The following RRP15 variants were observed in gnomAD, a reference collection of about 807,000 sequenced individuals.
RRP15 encodes the protein ribosomal RNA processing 15 homolog, also known as RRP15-like protein.
A neutral mutation model predicts 27.1 loss-of-function variants in RRP15; 18 were observed. The ratio of observed to expected loss-of-function variants is 0.66; its 90% CI spans 0.46 to 0.98. The LOEUF (loss-of-function observed/expected upper bound fraction) is 0.98. Ranked by LOEUF, RRP15 falls within the 50% of genes least tolerant of loss-of-function variation. The pLI is 0.00. For synonymous variants in RRP15, 107 were observed against 109.4 expected (o/e 0.98, Z 0.14); for missense variants, 359 against 337.8 (o/e 1.06, Z -0.49).
intron 4 of RRP15, among the ~76,000 whole-genome samples, chr1:218,330,190 T>G (rs1032060872): frequency 1.3e-5 from 2 of 152,114 alleles, no homozygotes; most frequent in African/African-American, 4.8e-5. Flanking sequence ...AATGAAAAAT[T>G]TTGAGTGCTG....
chr1:218,302,227 G>A (rs542343999), intron 1 of RRP15, 67 bp from the exon 2 acceptor site: 66 of 1,270,340 alleles, frequency 5.2e-5, no homozygotes, highest in Admixed American at 4.6e-4. Flanking sequence ...GGAAGGGTTC[G>A]GGGGGCCTTG....
At chr1:218,325,375 A>G (rs139972334) in intron 4 of RRP15, among the ~76,000 whole-genome samples, 48 of 152,310 alleles carry the variant, frequency 3.2e-4, no homozygotes, top group African/African-American at 1.1e-3. Context: ...TTTATGGAGA[A>G]CATCCTCAGT....
rs1273357154 is a variant in RRP15, at chr1:218,336,778, T to C, written c.*5687T>C. ...TTAAGTATATTATAAATATAAAAGCTCAAAGTCCAAAAGGTTCAATGTGAT... is the reference window on the plus strand; with the variant it reads ...TTAAGTATATTATAAATATAAAAGCCCAAAGTCCAAAAGGTTCAATGTGAT... On this transcript the variant is annotated 3_prime_UTR_variant, in exon 5 of 5. Coordinates refer to ENST00000366932, the MANE Select transcript of RRP15 (RefSeq NM_016052.4). The C allele has an allele frequency of 6.6e-6, 1 of 152,136 alleles. No individual in the cohort carries two copies. Among genetic ancestry groups the C allele is most frequent in the Non-Finnish European group, 1.5e-5 (1 of 68,034 alleles). 9.4% of individuals were successfully genotyped at this position (152,136 alleles called of 1,614,324 possible). A position where few individuals can be genotyped will look rare whatever the true frequency, so the allele number is the denominator to read the frequency against.
At chr1:218,286,342 C>T (rs1655548969) in intron 1 of RRP15, among the ~76,000 whole-genome samples, 1 of 152,122 alleles carries the variant, frequency 6.6e-6, no homozygotes, top group Non-Finnish European at 1.5e-5. Context: ...TACCGGTATG[C>T]TTGTGTTTAA....
intron 4 of RRP15, among the ~76,000 whole-genome samples, chr1:218,326,506 A>G (rs969852288): frequency 6.6e-6 from 1 of 151,930 alleles, no homozygotes; most frequent in East Asian, 1.9e-4. Context: ...TTGTGTGTTC[A>G]TGATTAGAAC....
intron 1 of RRP15, among the ~76,000 whole-genome samples, chr1:218,289,020 G>A (rs972343864): frequency 8.5e-5 from 13 of 152,120 alleles, no homozygotes; most frequent in Admixed American, 2.0e-4. Flanking sequence ...TCTACAAAAT[G>A]AGGATAATAA....
Position 218,336,642 on chromosome 1 carries a change from T to A in RRP15, c.*5551T>A, listed in dbSNP as rs1260140364. 6.6e-6 allele frequency: 1 copy of A among 152,554 alleles called. No homozygotes were observed. Among genetic ancestry groups the A allele is most frequent in the African/African-American group, 2.4e-5 (1 of 41,448 alleles). 9.5% of individuals were successfully genotyped at this position (152,554 alleles called of 1,614,324 possible). On this transcript the variant is annotated 3_prime_UTR_variant, in exon 5 of 5. Coordinates refer to ENST00000366932, the MANE Select transcript of RRP15 (RefSeq NM_016052.4). The stretch of plus-strand genomic sequence containing the variant: ...AGATTGACATCAGCTCTGAAAACAG[T>A]GCAGCAGCCAGACTCAGCAGTTGCC...
intron 4 of RRP15, among the ~76,000 whole-genome samples, chr1:218,324,026 G>T (rs1404349980): frequency 6.6e-6 from 1 of 152,186 alleles, no homozygotes; most frequent in African/African-American, 2.4e-5. Context: ...GCGAGGGCGG[G>T]GCTTCTGCCT....
At chr1:218,308,941 C>G (rs1023821915) in intron 4 of RRP15, among the ~76,000 whole-genome samples, 1 of 152,104 alleles carries the variant, frequency 6.6e-6, no homozygotes, top group Non-Finnish European at 1.5e-5. Context: ...GATGAAGAGA[C>G]TTAGTTTTTT....
intron 4 of RRP15, among the ~76,000 whole-genome samples, chr1:218,323,249 GCC>G (rs1223876217): frequency 6.6e-6 from 1 of 152,194 alleles, no homozygotes; most frequent in African/African-American, 2.4e-5. Context: ...ACCTCTTTTA[GCC>G]CCGCCGTTCG....
chr1:218,327,013 TC>T (rs757095769), intron 4 of RRP15, among the ~76,000 whole-genome samples: 5 of 152,238 alleles, frequency 3.3e-5, no homozygotes, highest in Non-Finnish European at 7.3e-5. Context: ...GTTGGTTTTG[TC>T]AGTGTGATAG....
intron 2 of RRP15, chr1:218,302,811 A>G (rs890808468): frequency 9.7e-6 from 4 of 412,932 alleles, no homozygotes; most frequent in African/African-American, 8.1e-5. Flanking sequence ...TCTTTTTAAA[A>G]TCAAGTAATT....
intron 3 of RRP15, among the ~76,000 whole-genome samples, chr1:218,305,443 T>G (rs778447154): frequency 3.9e-5 from 6 of 152,250 alleles, no homozygotes; most frequent in Admixed American, 1.3e-4. Flanking sequence ...AATGATGGTT[T>G]TTATCTTGCA....
chr1:218,322,684 C>G (rs1656205158), intron 4 of RRP15, among the ~76,000 whole-genome samples: 1 of 152,174 alleles, frequency 6.6e-6, no homozygotes, highest in Non-Finnish European at 1.5e-5. Context: ...ATTCTTAATT[C>G]TCTAGCTAGT....
intron 4 of RRP15, among the ~76,000 whole-genome samples, chr1:218,327,880 G>C (rs1656299450): frequency 6.6e-6 from 1 of 152,140 alleles, no homozygotes; most frequent in African/African-American, 2.4e-5. Flanking sequence ...TGGTCTTATA[G>C]CAGTGAACAA....
At chr1:218,323,797 C>G (rs1342153218) in intron 4 of RRP15, among the ~76,000 whole-genome samples, 2 of 152,232 alleles carry the variant, frequency 1.3e-5, no homozygotes, top group Non-Finnish European at 2.9e-5. Flanking sequence ...AGCGCTGCCC[C>G]CAGTGTGCGT....
rs564903756 is a variant in RRP15 at position 218,331,471 on chromosome 1, T to G, written c.*380T>G. 1.9e-5 allele frequency: 3 copies of G among 154,208 alleles called. No individual in the cohort carries two copies. Among genetic ancestry groups the G allele is most frequent in the African/African-American group, 7.2e-5 (3 of 41,556 alleles). 9.6% of individuals were successfully genotyped at this position (154,208 alleles called of 1,614,324 possible). A position where few individuals can be genotyped will look rare whatever the true frequency, so the allele number is the denominator to read the frequency against. On this transcript the variant is annotated 3_prime_UTR_variant, in exon 5 of 5. Coordinates refer to ENST00000366932, the MANE Select transcript of RRP15 (RefSeq NM_016052.4). ...AGTTAATATTTTTCTGCCTTCTAAC[T>G]TATAGACTCAACTATGTATCTGTAG...
chr1:218,286,453 G>A (rs1451716322), intron 1 of RRP15, among the ~76,000 whole-genome samples: 1 of 152,146 alleles, frequency 6.6e-6, no homozygotes, highest in Non-Finnish European at 1.5e-5. Flanking sequence ...ACCAGCCTCT[G>A]ATCCAGTGCC....
At chr1:218,310,321 G>A (rs1655972146) in intron 4 of RRP15, among the ~76,000 whole-genome samples, 1 of 151,658 alleles carries the variant, frequency 6.6e-6, no homozygotes, top group African/African-American at 2.4e-5. Flanking sequence ...TCTAAAATTG[G>A]AGGCCACCCA....
Sources: allele counts gnomAD v4.1 joint callset (sites outside exome capture counted in the v4.1 genomes callset), GRCh38; gene constraint gnomAD v4.1.1; transcripts MANE v1.5; gene names NCBI Gene and HGNC (gene_info 2026-07-23, HGNC 2026-07-21).